Variants in MYCL observed in about 807,000 individuals in gnomAD.
MYCL encodes MYCL proto-oncogene, bHLH transcription factor.
Under a neutral mutation model 31.0 loss-of-function variants are expected in MYCL, and 11 were observed. The ratio of observed to expected loss-of-function variants is 0.35; its 90% CI spans 0.22 to 0.59. The LOEUF (loss-of-function observed/expected upper bound fraction) is 0.59. Among genes scored for constraint, MYCL ranks in the 20% least tolerant of loss-of-function variants. The probability of loss-of-function intolerance (pLI) is 0.79; values close to 1 mark genes in which losing one functional copy is unlikely to be tolerated. For missense variants in MYCL, 427 were observed against 486.1 expected (o/e 0.88, Z 1.14); for synonymous variants, 208 against 202.4 (o/e 1.03, Z -0.23).
chr1:39,900,020 T>C (rs1468770323), intron 1 of MYCL: 8 of 985,416 alleles, frequency 8.1e-6, no homozygotes, highest in Non-Finnish European at 7.2e-6. Flanking sequence ...GAGGTTGCAC[T>C]TGCATCAAGG....
intron 1 of MYCL, chr1:39,898,976 C>G (rs1644508895): frequency 1.0e-6 from 1 of 985,458 alleles, no homozygotes; most frequent in Non-Finnish European, 1.2e-6. Flanking sequence ...GGAAGAGCTC[C>G]GTTCTCAGCT....
Position 39,900,512 on chromosome 1 carries a change from T to C in MYCL, c.496+427A>G, listed in dbSNP as rs74067839. 1.2e-3 allele frequency: 1,286 copies of C among 1,093,226 alleles called. 9 individuals are homozygous for C. The African/African-American group carries it at 0.018, about 15-fold the overall frequency. 67.7% of individuals were successfully genotyped at this position (1,093,226 alleles called of 1,614,324 possible). Reference sequence around the variant, plus strand: ...ACCTAGGTTTTTAAAAGGACGAAGGTTTTGGCTTTGCACAAAAGGCTCTCG... The same window carrying C: ...ACCTAGGTTTTTAAAAGGACGAAGGCTTTGGCTTTGCACAAAAGGCTCTCG... On this transcript the variant is annotated intron_variant, in intron 1 of 1. Transcript: ENST00000372816.
rs1257121410 is a variant in MYCL at position 39,901,856 on chromosome 1, CG to C, written c.-423del. The C allele has an allele frequency of 1.6e-6, 2 of 1,237,470 alleles. No homozygotes were observed. The highest frequency in any genetic ancestry group is 2.0e-6 in the Non-Finnish European group (2 of 982,084). The allele number at this position is 1,237,470 out of a possible 1,614,324, so 76.7% of individuals were successfully genotyped here. ...GGAGCGGACCGGCTCCCCGCCGGCT[CG>C]GGGCAGCCCGGCAGCCAGCACACAC... On this transcript the variant is annotated 5_prime_UTR_variant, in exon 1 of 2. The change creates a premature stop within an existing upstream ORF in the 5' untranslated region. Transcript: ENST00000372816. This position sits in a 1 kb window ranked among gnomAD's most constrained non-coding sequence, Gnocchi z 6.9.
At position 39,896,462 on chromosome 1, in the gene MYCL, G is replaced by T. The variant is rs923476938; in HGVS notation, c.*910C>A. The T allele has an allele frequency of 4.2e-5, 9 of 213,808 alleles. No individual in the cohort carries two copies. Among genetic ancestry groups the T allele is most frequent in the Non-Finnish European group, 7.6e-5 (8 of 105,692 alleles). The allele number at this position is 213,808 out of a possible 1,614,324, so 13.2% of individuals were successfully genotyped here. A position where few individuals can be genotyped will look rare whatever the true frequency, so the allele number is the denominator to read the frequency against. ...CTTACACCTGCCTTGAGAAAAGACT[G>T]GGCCTCAAGTGCCCCTCGGAAAACA... On this transcript the variant is annotated 3_prime_UTR_variant, in exon 2 of 2. Coordinates refer to ENST00000372816, the MANE Select transcript of MYCL (RefSeq NM_001033081.3).
chr1:39,898,799 C>G (rs1266366421), intron 1 of MYCL: 1 of 985,486 alleles, frequency 1.0e-6, no homozygotes, highest in South Asian at 4.7e-5. Context: ...GCTCATAACA[C>G]CAGAGACCTG....
At chr1:39,899,011 C>T (rs115197624) in intron 1 of MYCL, 1 of 985,332 alleles carries the variant, frequency 1.0e-6, no homozygotes, top group Non-Finnish European at 1.2e-6. Flanking sequence ...GAAGCTTGAG[C>T]CCCTTTGTCA....
rs1644531170 is a variant in MYCL, at chr1:39,900,969, AG to A, written c.465del (p.Cys156AlafsTer18). 1 of 1,482,248 alleles carries A rather than the reference AG, an allele frequency of 6.7e-7. No homozygotes were observed. Among genetic ancestry groups the A allele is most frequent in the Non-Finnish European group, 9.0e-7 (1 of 1,117,288 alleles). 91.8% of individuals were successfully genotyped at this position (1,482,248 alleles called of 1,614,324 possible). A position where few individuals can be genotyped will look rare whatever the true frequency, so the allele number is the denominator to read the frequency against. On this transcript the variant is annotated frameshift_variant, in exon 1 of 2. Transcript: ENST00000372816. LOFTEE classifies it high-confidence loss of function. The part of the protein sequence containing the change: ...PCPLGEPKTQ[A>X]CSGSESPSDS... ...TCGCTTGGGCTCTCGGACCCGGAGC[AG>A]GCCTGGGTCTTGGGTTCGCCCAGCG... is the stretch of plus-strand genomic sequence containing the variant.
rs746174936 is a variant in MYCL, at chr1:39,897,567, T to C, written c.900A>G (p.Arg300=). The part of the protein sequence containing the change: ...ERKRRNDLRS[R]FLALRDQVPT... The stretch of plus-strand genomic sequence containing the variant: ...GCACCTGGTCCCTCAGCGCCAAGAA[T>C]CGCGAACGCAGGTCATTCCGCCTCT... The change falls in exon 2 of 2, where the codon CGA becomes CGG. Residue 300 remains arginine, a synonymous_variant. Coordinates refer to ENST00000372816, the MANE Select transcript of MYCL (RefSeq NM_001033081.3). This position sits in a 1 kb window ranked among gnomAD's most constrained non-coding sequence, Gnocchi z 4.3. 16 of 1,614,224 alleles carry C rather than the reference T, an allele frequency of 9.9e-6. No homozygotes were observed. Among genetic ancestry groups the C allele is most frequent in the Non-Finnish European group, 1.4e-5 (16 of 1,180,046 alleles).
rs752854584 is a variant in MYCL, at chr1:39,897,181, G to A, written c.*191C>T. 1.5e-6 allele frequency: 1 copy of A among 645,164 alleles called. No individual in the cohort carries two copies. The highest frequency in any genetic ancestry group is 2.0e-5 in the South Asian group (1 of 50,572). The allele number at this position is 645,164 out of a possible 1,614,324, so 40.0% of individuals were successfully genotyped here. A position where few individuals can be genotyped will look rare whatever the true frequency, so the allele number is the denominator to read the frequency against. On this transcript the variant is annotated 3_prime_UTR_variant, in exon 2 of 2. Transcript: ENST00000372816. The surrounding 1 kb of genome is among the most constrained non-coding windows in gnomAD (Gnocchi z 4.3). ...CAGCACTCCCATGAGTCAGGGAAGAGGGAGAGCTGGGTTTCAAGGTTTCCA... is the reference window on the plus strand; with the variant it reads ...CAGCACTCCCATGAGTCAGGGAAGAAGGAGAGCTGGGTTTCAAGGTTTCCA...
Position 39,897,516 on chromosome 1 carries a change from G to A in MYCL, c.951C>T (p.Ala317=), listed in dbSNP as rs147625858. Residue 317 remains alanine, a synonymous_variant, in exon 2 of 2, where the codon GCC becomes GCT. Transcript: ENST00000372816. The surrounding 1 kb of genome is among the most constrained non-coding windows in gnomAD (Gnocchi z 4.3). ...QVPTLASCSK[A]PKVVILSKAL... ...CCTTGCTTAGGATCACTACTTTGGG[G>A]GCCTTGGAGCAGCTGGCCAGGGTGG... 5 of 1,614,090 alleles carry A rather than the reference G, an allele frequency of 3.1e-6. No individual in the cohort carries two copies. The African/African-American group carries it at 5.3e-5, about 17-fold the overall frequency.
chr1:39,898,763 G>A, intron 1 of MYCL: 1 of 985,498 alleles, frequency 1.0e-6, no homozygotes, highest in South Asian at 4.7e-5. Flanking sequence ...GGCAGAGACT[G>A]GGCAGCAGAA....
Position 39,896,439 on chromosome 1 carries a change from T to TAC in MYCL, c.*931_*932dup, listed in dbSNP as rs1644483352. The stretch of plus-strand genomic sequence containing the variant: ...GTACAGTTCTCCCTCTGAGGTGTCT[T>TAC]ACACCTGCCTTGAGAAAAGACTGGG... On this transcript the variant is annotated 3_prime_UTR_variant, in exon 2 of 2. Coordinates refer to ENST00000372816, the MANE Select transcript of MYCL (RefSeq NM_001033081.3). The TAC allele has an allele frequency of 4.8e-6, 1 of 209,914 alleles. No homozygotes were observed. The highest frequency in any genetic ancestry group is 9.7e-6 in the Non-Finnish European group (1 of 103,242). 13.0% of individuals were successfully genotyped at this position (209,914 alleles called of 1,614,324 possible).
In MYCL at chr1:39,897,020, G is replaced by A. The variant is rs1644489130; in HGVS notation, c.*352C>T. Reference sequence around the variant, plus strand: ...CATGCAGAGTGTGAGATTTCATGCAGGCTGGAGCCCCTGACAACATCCACC... The same window carrying A: ...CATGCAGAGTGTGAGATTTCATGCAAGCTGGAGCCCCTGACAACATCCACC... On this transcript the variant is annotated 3_prime_UTR_variant, in exon 2 of 2. Coordinates refer to ENST00000372816, the MANE Select transcript of MYCL (RefSeq NM_001033081.3). This position sits in a 1 kb window ranked among gnomAD's most constrained non-coding sequence, Gnocchi z 4.3. 3.7e-6 allele frequency: 1 copy of A among 267,608 alleles called. No homozygotes were observed. The highest frequency in any genetic ancestry group is 9.3e-5 in the South Asian group (1 of 10,748). 16.6% of individuals were successfully genotyped at this position (267,608 alleles called of 1,614,324 possible). A position where few individuals can be genotyped will look rare whatever the true frequency, so the allele number is the denominator to read the frequency against.
Position 39,901,102 on chromosome 1 carries a change from G to C in MYCL, c.333C>G (p.Asp111Glu). ...CCCGGGGCGCGCCAGGAGCGAGCCG[G>C]TCGCTCACAGCTCTCTCCAGCCGTT... ...ARERLERAVS[D>E]RLAPGAPRGN... Residue 111 changes from aspartate (D) to glutamate (E), a missense_variant, in exon 1 of 2, where the codon GAC becomes GAG. Transcript: ENST00000372816. The surrounding 1 kb of genome is among the most constrained non-coding windows in gnomAD (Gnocchi z 6.9). The C allele has an allele frequency of 1.3e-6, 2 of 1,589,902 alleles. No homozygotes were observed. The highest frequency in any genetic ancestry group is 1.7e-6 in the Non-Finnish European group (2 of 1,168,626).
At position 39,896,325 on chromosome 1, in the gene MYCL, G is replaced by A. The variant is rs190862701; in HGVS notation, c.*1047C>T. The A allele has an allele frequency of 5.6e-5, 11 of 196,830 alleles. No individual in the cohort carries two copies. In the East Asian group the frequency reaches 8.7e-4, roughly 16 times the overall value. 12.2% of individuals were successfully genotyped at this position (196,830 alleles called of 1,614,324 possible). A position where few individuals can be genotyped will look rare whatever the true frequency, so the allele number is the denominator to read the frequency against. On this transcript the variant is annotated 3_prime_UTR_variant, in exon 2 of 2. Coordinates refer to ENST00000372816, the MANE Select transcript of MYCL (RefSeq NM_001033081.3). ...CAGAGCCAGCAAGCTCCTTGGAATT[G>A]CATGAGGAGGACAGATTTGCATGGT...
intron 1 of MYCL, chr1:39,900,677 A>G (rs1462280172): frequency 7.2e-6 from 10 of 1,380,548 alleles, no homozygotes; most frequent in Non-Finnish European, 9.4e-6. Context: ...CTAAGCGCCA[A>G]CCCTCACCTC....
In MYCL at chr1:39,896,536, GC is replaced by G; in HGVS notation, c.*835del. ...GGCCAGGACTCCAAGCTATCCCCAGGCCCCAGGCTAGGACCGATTTCCCTGT... is the reference window on the plus strand; with the variant it reads ...GGCCAGGACTCCAAGCTATCCCCAGGCCCAGGCTAGGACCGATTTCCCTGT... On this transcript the variant is annotated 3_prime_UTR_variant, in exon 2 of 2. Transcript: ENST00000372816. The G allele has an allele frequency of 4.6e-6, 1 of 216,168 alleles. No individual in the cohort carries two copies. Among genetic ancestry groups the G allele is most frequent in the African/African-American group, 2.2e-5 (1 of 44,476 alleles). The allele number at this position is 216,168 out of a possible 1,614,324, so 13.4% of individuals were successfully genotyped here.
At position 39,896,238 on chromosome 1, in the gene MYCL, C is replaced by T. The variant is rs571640683; in HGVS notation, c.*1134G>A. 1.1e-3 allele frequency: 220 copies of T among 199,716 alleles called. 3 individuals are homozygous for T. In the South Asian group the frequency reaches 0.038, roughly 34 times the overall value. The allele number at this position is 199,716 out of a possible 1,614,324, so 12.4% of individuals were successfully genotyped here. A position where few individuals can be genotyped will look rare whatever the true frequency, so the allele number is the denominator to read the frequency against. ...ACAGCTCTCCCCAAAACTTCAGAAA[C>T]GCCCAGATTCTGGGAAAGATATCTG... On this transcript the variant is annotated 3_prime_UTR_variant, in exon 2 of 2. Transcript: ENST00000372816.
Position 39,901,563 on chromosome 1 carries a change from A to G in MYCL, c.-129T>C. 6.9e-7 allele frequency: 1 copy of G among 1,458,560 alleles called. No homozygotes were observed. The highest frequency in any genetic ancestry group is 1.4e-5 in the South Asian group (1 of 69,370). The allele number at this position is 1,458,560 out of a possible 1,614,324, so 90.4% of individuals were successfully genotyped here. A position where few individuals can be genotyped will look rare whatever the true frequency, so the allele number is the denominator to read the frequency against. ...TTCCTCCCCAACCCCACCAGCTTGCAGCCTGCGCCCAGTCCTCGCGTCCCG... is the reference window on the plus strand; with the variant it reads ...TTCCTCCCCAACCCCACCAGCTTGCGGCCTGCGCCCAGTCCTCGCGTCCCG... On this transcript the variant is annotated 5_prime_UTR_variant, in exon 1 of 2. Coordinates refer to ENST00000372816, the MANE Select transcript of MYCL (RefSeq NM_001033081.3). This position sits in a 1 kb window ranked among gnomAD's most constrained non-coding sequence, Gnocchi z 6.9.
Sources: gnomAD v4.1 joint callset for allele counts on GRCh38, gnomAD v4.1.1 for gene constraint, Gnocchi (gnomAD v3.1) non-coding constraint, MANE v1.5 for transcripts, NCBI Gene and HGNC (gene_info 2026-07-23, HGNC 2026-07-21) for gene names.